The following GRK4 variants were observed in gnomAD, a reference collection of about 807,000 sequenced individuals.
GRK4 encodes G protein-coupled receptor kinase 2-like.
Under a neutral mutation model 77.9 loss-of-function variants are expected in GRK4, and 73 were observed. The ratio of observed to expected loss-of-function variants is 0.94; its 90% CI spans 0.78 to 1.14. The LOEUF is 1.14. Among genes scored for constraint, GRK4 ranks in the 50% most tolerant of loss-of-function variants. GRK4 has a pLI of 0.00. For missense variants in GRK4, 729 were observed against 700.2 expected, an observed-to-expected ratio of 1.04 and a Z score of -0.46; for synonymous variants, 257 against 254.4, an observed-to-expected ratio of 1.01 and a Z score of -0.10.
chr4:2,981,138 AAG>A (rs1722747600), intron 1 of GRK4, among the ~76,000 whole-genome samples: 1 of 152,260 alleles, frequency 6.6e-6, no homozygotes, highest in South Asian at 2.1e-4. Flanking sequence ...CAGAGCTTCA[AAG>A]AGGGTGTCAC....
intron 13 of GRK4, among the ~76,000 whole-genome samples, chr4:3,036,225 C>G (rs1740601864): frequency 6.6e-6 from 1 of 152,244 alleles, no homozygotes; most frequent in Non-Finnish European, 1.5e-5. Context: ...TGTCCCCACT[C>G]TGCTTCTCAT....
intron 4 of GRK4, among the ~76,000 whole-genome samples, chr4:2,996,206 A>G (rs985975644): frequency 6.6e-6 from 1 of 152,100 alleles, no homozygotes; most frequent in Non-Finnish European, 1.5e-5. Context: ...GGGCAAACCT[A>G]CTCCAGGGAT....
intron 11 of GRK4, among the ~76,000 whole-genome samples, chr4:3,028,861 T>C (rs1162029385): frequency 1.3e-5 from 2 of 151,718 alleles, no homozygotes; most frequent in East Asian, 1.9e-4. Context: ...AACGTCCACC[T>C]CCCAGGCACA....
chr4:2,973,466 C>T (rs780999487), intron 1 of GRK4, among the ~76,000 whole-genome samples: 5 of 152,140 alleles, frequency 3.3e-5, no homozygotes, highest in Admixed American at 6.5e-5. Context: ...TACCTGACAT[C>T]GCTGTATGGA....
At chr4:2,989,420 T>C (rs2109640123) in intron 3 of GRK4, among the ~76,000 whole-genome samples, 1 of 152,274 alleles carries the variant, frequency 6.6e-6, no homozygotes, top group East Asian at 1.9e-4. Flanking sequence ...TTTTTTTATT[T>C]TTTATTTTTT....
At position 2,963,662 on chromosome 4, in the gene GRK4, G is replaced by GGCGCCA; in HGVS notation, c.-408_-407insCGCCAG. The stretch of plus-strand genomic sequence containing the variant: ...CCGGGAGCGGGTCGCCGGCCGCGGC[G>GGCGCCA]GGCGCCCCTGCCAGTGAGCCCCTGT... On this transcript the variant is annotated 5_prime_UTR_variant, in exon 1 of 16. Coordinates refer to ENST00000398052, the MANE Select transcript of GRK4 (RefSeq NM_182982.3). 1 of 362,078 alleles carries GGCGCCA rather than the reference G, an allele frequency of 2.8e-6. No individual in the cohort carries two copies. The highest frequency in any genetic ancestry group is 5.1e-5 in the East Asian group (1 of 19,570). 22.4% of individuals were successfully genotyped at this position (362,078 alleles called of 1,614,324 possible).
chr4:2,994,114 A>G (rs1189182937), intron 4 of GRK4, among the ~76,000 whole-genome samples: 1 of 152,210 alleles, frequency 6.6e-6, no homozygotes, highest in Non-Finnish European at 1.5e-5. Flanking sequence ...TACTCTCTCA[A>G]ACACAGCTGT....
rs1261421575 is a variant in GRK4, at chr4:2,963,951, G to T, written c.-120G>T. 3 of 920,778 alleles carry T rather than the reference G, an allele frequency of 3.3e-6. No individual in the cohort carries two copies. The highest frequency in any genetic ancestry group is 3.3e-5 in the African/African-American group (2 of 61,256). The allele number at this position is 920,778 out of a possible 1,614,324, so 57.0% of individuals were successfully genotyped here. ...GAGCAGCCTCCCGGGATCGTGTCCG[G>T]AGCTCGAGGAGAGGGTGGTGCCCGG... On this transcript the variant is annotated 5_prime_UTR_variant, in exon 1 of 16. Coordinates refer to ENST00000398052, the MANE Select transcript of GRK4 (RefSeq NM_182982.3).
intron 12 of GRK4, 38 bp downstream of exon 12, chr4:3,029,447 C>A (rs374489176): frequency 1.3e-6 from 2 of 1,540,208 alleles, no homozygotes. Context: ...AATGGCACTT[C>A]TCACTCATTC....
At chr4:3,017,727 A>C (rs1734942804) in intron 8 of GRK4, among the ~76,000 whole-genome samples, 1 of 152,234 alleles carries the variant, frequency 6.6e-6, no homozygotes, top group Non-Finnish European at 1.5e-5. Flanking sequence ...TCACGTTACC[A>C]GAATAAAGGG....
chr4:3,018,738 C>T (rs1197159738), intron 8 of GRK4, among the ~76,000 whole-genome samples: 8 of 151,968 alleles, frequency 5.3e-5, no homozygotes, highest in African/African-American at 9.7e-5. Flanking sequence ...ATTAGCCGGG[C>T]GTGGTGACAG....
At chr4:2,976,781 A>G (rs1221150719) in intron 1 of GRK4, among the ~76,000 whole-genome samples, 3 of 152,100 alleles carry the variant, frequency 2.0e-5, no homozygotes, top group Non-Finnish European at 4.4e-5. Flanking sequence ...CTGGGATTGC[A>G]GGCACATGCC....
chr4:3,006,397 A>G (rs935858345), intron 5 of GRK4, among the ~76,000 whole-genome samples: 1 of 151,014 alleles, frequency 6.6e-6, no homozygotes, highest in Non-Finnish European at 1.5e-5. Flanking sequence ...AAAAAAAAAG[A>G]GATTTTCAAT....
At chr4:3,013,956 G>C in intron 8 of GRK4, 128 bp downstream of exon 8, 2 of 1,008,634 alleles carry the variant, frequency 2.0e-6, no homozygotes, top group Non-Finnish European at 2.8e-6. Context: ...GTTTATGTGG[G>C]GGTTTGCTCT....
At chr4:2,999,147 C>T (rs1273759027) in intron 4 of GRK4, among the ~76,000 whole-genome samples, 2 of 152,142 alleles carry the variant, frequency 1.3e-5, no homozygotes, top group South Asian at 4.1e-4. Context: ...TTATTTCTTA[C>T]AGTTCTGAAA....
intron 10 of GRK4, among the ~76,000 whole-genome samples, chr4:3,026,495 C>T (rs1232505755): frequency 6.6e-6 from 1 of 152,178 alleles, no homozygotes; most frequent in Non-Finnish European, 1.5e-5. Flanking sequence ...TTTGGGAGGC[C>T]AGGGTGGGAG....
At chr4:3,006,380 C>CAAA (rs796221342) in intron 5 of GRK4, among the ~76,000 whole-genome samples, 1,225 of 100,334 alleles carry the variant, frequency 0.012, 16 homozygotes, top group African/African-American at 0.039. Context: ...AACTCCGCCT[C>CAAA]AAAAAAAAAA....
At chr4:2,997,201 A>T (rs939567045) in intron 4 of GRK4, among the ~76,000 whole-genome samples, 2 of 152,232 alleles carry the variant, frequency 1.3e-5, no homozygotes, top group Non-Finnish European at 2.9e-5. Flanking sequence ...GCCAAATTTG[A>T]ATTTATGGTT....
rs897620713 is a variant in GRK4, at chr4:2,984,660, A to G, written c.148+52A>G. The G allele has an allele frequency of 6.7e-6, 6 of 893,798 alleles. No individual in the cohort carries two copies. The East Asian group carries it at 8.0e-5, about 12-fold the overall frequency. 55.4% of individuals were successfully genotyped at this position (893,798 alleles called of 1,614,324 possible). A position where few individuals can be genotyped will look rare whatever the true frequency, so the allele number is the denominator to read the frequency against. Reference sequence around the variant, plus strand: ...TGGATGGTACATCTGGCATGATACCATTCATTAGATGTTATTCTTTCTTGA... The same window carrying G: ...TGGATGGTACATCTGGCATGATACCGTTCATTAGATGTTATTCTTTCTTGA... On this transcript the variant is annotated intron_variant, in intron 2 of 15. Coordinates refer to ENST00000398052, the MANE Select transcript of GRK4 (RefSeq NM_182982.3).
Sources: allele counts gnomAD v4.1 joint callset (sites outside exome capture counted in the v4.1 genomes callset), GRCh38; gene constraint gnomAD v4.1.1; transcripts MANE v1.5; gene names NCBI Gene and HGNC (gene_info 2026-07-23, HGNC 2026-07-21).